TTLL13: variants seen among roughly 807,000 people sequenced by gnomAD.
TTLL13 encodes tubulin polyglutamylase TTLL13.
At chr15:90,250,106 G>T in the TTLL13 span, among the ~76,000 whole-genome samples, 5 of 150,626 alleles carry the variant, frequency 3.3e-5, no homozygotes, top group African/African-American at 1.2e-4. Context: ...TACAGGCAAC[G>T]CACCAGCACA....
At chr15:90,264,079 T>G in the TTLL13 span, 37 of 1,460,000 alleles carry the variant, frequency 2.5e-5, 1 homozygote, top group Middle Eastern at 3.4e-4. Flanking sequence ...AAAACTAGCT[T>G]TGGTCATTTT....
the TTLL13 span, among the ~76,000 whole-genome samples, chr15:90,256,888 A>C: frequency 6.6e-6 from 1 of 151,788 alleles, no homozygotes; most frequent in Non-Finnish European, 1.5e-5. Flanking sequence ...GGGTTTCACC[A>C]TCTTGGCCAG....
chr15:90,253,412 G>A, the TTLL13 span: 2 of 1,464,146 alleles, frequency 1.4e-6, no homozygotes, highest in South Asian at 1.2e-5. Flanking sequence ...TAGGGCCCCA[G>A]AATGACTATT....
the TTLL13 span, chr15:90,257,834 C>A: frequency 9.0e-7 from 1 of 1,109,234 alleles, no homozygotes; most frequent in Non-Finnish European, 1.3e-6. Context: ...GAAACTCAGC[C>A]TTTATAGACC....
At chr15:90,261,929 A>C in the TTLL13 span, 3 of 1,239,322 alleles carry the variant, frequency 2.4e-6, no homozygotes, top group South Asian at 3.8e-5. Context: ...AGGGTCTCCA[A>C]ACCTTAGTCA....
the TTLL13 span, chr15:90,263,487 C>CT: frequency 3.9e-6 from 2 of 508,682 alleles, no homozygotes; most frequent in Admixed American, 7.0e-5. Flanking sequence ...AATTTTCTCC[C>CT]TAGCACTGCC....
chr15:90,253,226 T>G, the TTLL13 span: 1 of 1,601,822 alleles, frequency 6.2e-7, no homozygotes, highest in Non-Finnish European at 8.6e-7. Context: ...ATGCTGGCAC[T>G]ACTGATCTCC....
the TTLL13 span, chr15:90,256,299 T>A: frequency 6.2e-7 from 1 of 1,614,070 alleles, no homozygotes; most frequent in East Asian, 2.2e-5. Context: ...ATCTCCAAGG[T>A]GAAGGATGCC....
chr15:90,252,565 A>G, the TTLL13 span, among the ~76,000 whole-genome samples: 2 of 152,198 alleles, frequency 1.3e-5, no homozygotes, highest in Non-Finnish European at 2.9e-5. Context: ...TTAAGAAAAA[A>G]AACAATCTCC....
chr15:90,264,771 C>T, the TTLL13 span: 1 of 1,536,116 alleles, frequency 6.5e-7, no homozygotes, highest in South Asian at 1.2e-5. Context: ...CTGGCAGGAT[C>T]AGTGCCACCC....
chr15:90,263,016 G>A, the TTLL13 span: 1 of 1,536,024 alleles, frequency 6.5e-7, no homozygotes, highest in Admixed American at 2.0e-5. Context: ...TTGTGGAAGA[G>A]GAGGAGCTGG....
At chr15:90,252,047 T>C in the TTLL13 span, among the ~76,000 whole-genome samples, 11 of 150,578 alleles carry the variant, frequency 7.3e-5, no homozygotes, top group South Asian at 1.1e-3. Context: ...CTAATTCTTT[T>C]TTTTTTTTTG....
the TTLL13 span, chr15:90,253,303 G>A: frequency 6.2e-7 from 1 of 1,613,780 alleles, no homozygotes; most frequent in East Asian, 2.2e-5. Flanking sequence ...GATGAAGAGT[G>A]GACTCTGTAC....
chr15:90,264,587 AGT>A, the TTLL13 span: 1 of 999,580 alleles, frequency 1.0e-6, no homozygotes, highest in African/African-American at 1.6e-5. Flanking sequence ...ATTACAATAC[AGT>A]GTGGGAAAGA....
At chr15:90,256,120 C>T in the TTLL13 span, 6 of 1,611,744 alleles carry the variant, frequency 3.7e-6, no homozygotes, top group Admixed American at 1.0e-4. Flanking sequence ...AACCTTTTGA[C>T]CAGGCCCTCT....
At chr15:90,262,066 T>G in the TTLL13 span, 1 of 1,535,906 alleles carries the variant, frequency 6.5e-7, no homozygotes, top group Admixed American at 2.0e-5. Context: ...ATGAGGATTC[T>G]CACCTGGGAA....
the TTLL13 span, chr15:90,262,567 C>T: frequency 5.2e-6 from 8 of 1,534,692 alleles, no homozygotes; most frequent in Non-Finnish European, 7.0e-6. Context: ...AGGCCAGGGA[C>T]CAGAACCAGG....
the TTLL13 span, chr15:90,263,593 G>T: frequency 1.7e-6 from 1 of 576,132 alleles, no homozygotes; most frequent in Non-Finnish European, 3.1e-6. Flanking sequence ...AAACCTGTTG[G>T]GTCTTCTGTT....
chr15:90,250,147 C>T, the TTLL13 span, among the ~76,000 whole-genome samples: 12 of 151,832 alleles, frequency 7.9e-5, no homozygotes, highest in Admixed American at 6.6e-4. Context: ...TTAGGAGAGA[C>T]GGGATTTCAC....
Sources: gnomAD v4.1 joint callset for allele counts (sites outside exome capture counted in the v4.1 genomes callset) on GRCh38, gnomAD v4.1.1 for gene constraint, MANE v1.5 for transcripts, NCBI Gene and HGNC (gene_info 2026-07-23, HGNC 2026-07-21) for gene names.